Variants in PRKD1 observed in about 807,000 individuals in gnomAD.
PRKD1 encodes the protein protein kinase D1.
PRKD1 carries 63 observed loss-of-function variants against 95.9 expected under a neutral mutation model. That is an observed-to-expected ratio of 0.66 (90% CI 0.54 to 0.81). The LOEUF is 0.81. Among genes scored for constraint, PRKD1 ranks in the 30% least tolerant of loss-of-function variants. PRKD1 has a pLI of 0.00. For synonymous variants in PRKD1, 425 were observed against 423.1 expected (o/e 1.00, Z -0.05); for missense variants, 1,048 against 1,165.3 (o/e 0.90, Z 1.47).
chr14:29,577,503 A>C, intron 17 of PRKD1, 47 bp from the exon 18 acceptor site: 3 of 1,540,786 alleles, frequency 1.9e-6, no homozygotes, highest in Non-Finnish European at 2.7e-6. Context: ...ATTACAACTC[A>C]ACATACTGTT....
chr14:29,724,264 T>C (rs774488099), intron 2 of PRKD1, among the ~76,000 whole-genome samples: 22 of 152,186 alleles, frequency 1.4e-4, no homozygotes, highest in Non-Finnish European at 2.9e-4. Flanking sequence ...TTCTGGACAT[T>C]GACACAAGGC....
chr14:29,611,569 T>C (rs1175369667), intron 13 of PRKD1, among the ~76,000 whole-genome samples: 1 of 152,018 alleles, frequency 6.6e-6, no homozygotes, highest in African/African-American at 2.4e-5. Flanking sequence ...TAAAAGAGTA[T>C]AATGTTGGAG....
intron 1 of PRKD1, among the ~76,000 whole-genome samples, chr14:29,820,033 T>C (rs1391804141): frequency 2.0e-5 from 3 of 152,206 alleles, no homozygotes; most frequent in Admixed American, 1.3e-4. Context: ...TTATTTCTAA[T>C]ATGAAAGTCT....
intron 1 of PRKD1, among the ~76,000 whole-genome samples, chr14:29,923,387 G>C (rs890279795): frequency 6.6e-6 from 1 of 152,102 alleles, no homozygotes. Flanking sequence ...GGAGTTTGTT[G>C]GTCCAGGTGA....
At chr14:29,885,835 C>T (rs1339459905) in intron 1 of PRKD1, among the ~76,000 whole-genome samples, 1 of 92,308 alleles carries the variant, frequency 1.1e-5, no homozygotes, top group African/African-American at 3.9e-5. Flanking sequence ...AAAAAATAGC[C>T]AGGCGTGGTG....
At position 29,725,641 on chromosome 14, in the gene PRKD1, TATC is replaced by T. The variant is rs771366609; in HGVS notation, c.295_297del (p.Asp99del). 4.3e-6 allele frequency: 7 copies of T among 1,613,718 alleles called. No homozygotes were observed. The East Asian group carries it at 1.6e-4, about 36-fold the overall frequency. On this transcript the variant is annotated inframe_deletion, in exon 2 of 18. Transcript: ENST00000331968. ...GGGTCATGGCGAAAAAGCAGGATCTTATCATACATTCCGTAGAAACCACATTCA... is the reference window on the plus strand; with the variant it reads ...GGGTCATGGCGAAAAAGCAGGATCTTATACATTCCGTAGAAACCACATTCA...
At chr14:29,605,653 AG>A (rs1893678358) in intron 13 of PRKD1, among the ~76,000 whole-genome samples, 1 of 152,218 alleles carries the variant, frequency 6.6e-6, no homozygotes, top group Non-Finnish European at 1.5e-5. Context: ...CAAGGCTACA[AG>A]CTCCATAAGA....
intron 1 of PRKD1, among the ~76,000 whole-genome samples, chr14:29,904,526 G>C (rs773681779): frequency 6.6e-6 from 1 of 152,110 alleles, no homozygotes; most frequent in South Asian, 2.1e-4. Context: ...AGAGTGTCTG[G>C]TATAGTAACA....
At chr14:29,615,626 C>T (rs1594364024) in intron 13 of PRKD1, among the ~76,000 whole-genome samples, 1 of 152,288 alleles carries the variant, frequency 6.6e-6, no homozygotes, top group African/African-American at 2.4e-5. Flanking sequence ...CCATGACTTC[C>T]TCCACTGTGC....
chr14:29,634,903 C>T (rs1191598), intron 7 of PRKD1, among the ~76,000 whole-genome samples: 70,555 of 151,722 alleles, frequency 0.47, 19,293 homozygotes, highest in East Asian at 0.68. Flanking sequence ...GGCATGTTGG[C>T]GGGCACCTGT....
At chr14:29,734,649 T>A (rs970285590) in intron 1 of PRKD1, among the ~76,000 whole-genome samples, 1 of 152,212 alleles carries the variant, frequency 6.6e-6, no homozygotes, top group Non-Finnish European at 1.5e-5. Flanking sequence ...CTCAGCCCTA[T>A]GAGAGCCCTA....
At chr14:29,893,448 T>G (rs1226640070) in intron 1 of PRKD1, among the ~76,000 whole-genome samples, 1 of 152,094 alleles carries the variant, frequency 6.6e-6, no homozygotes, top group Non-Finnish European at 1.5e-5. Flanking sequence ...GCATTCTTTT[T>G]GTCTTCACTC....
chr14:29,583,548 G>A (rs900873912), intron 16 of PRKD1, among the ~76,000 whole-genome samples: 1 of 152,104 alleles, frequency 6.6e-6, no homozygotes, highest in African/African-American at 2.4e-5. Context: ...TCTGGGGGGT[G>A]AGTCTTTCTA....
At chr14:29,834,833 T>A (rs1891549693) in intron 1 of PRKD1, among the ~76,000 whole-genome samples, 1 of 152,158 alleles carries the variant, frequency 6.6e-6, no homozygotes, top group Admixed American at 6.5e-5. Flanking sequence ...AACTGACTCA[T>A]CCATGTTAAG....
intron 2 of PRKD1, among the ~76,000 whole-genome samples, chr14:29,687,230 G>C (rs1322938571): frequency 2.0e-5 from 3 of 152,124 alleles, no homozygotes; most frequent in Non-Finnish European, 2.9e-5. Context: ...GAAAAGCAAC[G>C]TGCTTGCGGT....
At chr14:29,886,694 G>GA (rs1594603795) in intron 1 of PRKD1, among the ~76,000 whole-genome samples, 1 of 152,134 alleles carries the variant, frequency 6.6e-6, no homozygotes, top group African/African-American at 2.4e-5. Flanking sequence ...TACAAGCAAA[G>GA]AAATGCAAGG....
intron 1 of PRKD1, among the ~76,000 whole-genome samples, chr14:29,826,678 TATATATACACACATATATATAC>T (rs756432146): frequency 0.18 from 12,183 of 69,560 alleles, 2,563 homozygotes; most frequent in South Asian, 0.25. Context: ...TATGTGTATA[TATATATACACACATATATATAC>T]ATATATACAC....
chr14:29,852,860 A>G (rs1892359572), intron 1 of PRKD1, among the ~76,000 whole-genome samples: 1 of 152,310 alleles, frequency 6.6e-6, no homozygotes, highest in South Asian at 2.1e-4. Flanking sequence ...ACAAACAGCA[A>G]AATGACAAAG....
At position 29,748,611 on chromosome 14, in the gene PRKD1, C is replaced by T. The variant is rs139319414; in HGVS notation, c.265-22937G>A. Among the ~76,000 whole-genome samples, 276 of 152,250 alleles carry T rather than the reference C, an allele frequency of 1.8e-3. 1 individual carries two copies. The highest frequency in any genetic ancestry group is 5.7e-3 in the African/African-American group (235 of 41,548). On this transcript the variant is annotated intron_variant, in intron 1 of 17. Coordinates refer to ENST00000331968, the MANE Select transcript of PRKD1 (RefSeq NM_002742.3). ...CTGTGCATATGTTTACTTGAAGCCC[C>T]GTTTACCATTTCCCTCAGTGTAAGC...
Sources: gnomAD v4.1 joint callset for allele counts (sites outside exome capture counted in the v4.1 genomes callset) on GRCh38, gnomAD v4.1.1 for gene constraint, MANE v1.5 for transcripts, NCBI Gene and HGNC (gene_info 2026-07-23, HGNC 2026-07-21) for gene names.